RAB38: variants seen among roughly 807,000 people sequenced by gnomAD.
RAB38 encodes the protein ras-related protein Rab-38.
A neutral mutation model predicts 18.4 loss-of-function variants in RAB38; 15 were observed. The ratio of observed to expected loss-of-function variants is 0.82; its 90% CI spans 0.55 to 1.26. The LOEUF is 1.26. Ranked by LOEUF, RAB38 falls within the 50% of genes most tolerant of loss-of-function variation. The probability of loss-of-function intolerance (pLI) is 0.00; values close to 1 mark genes in which losing one functional copy is unlikely to be tolerated. For synonymous variants in RAB38, 101 were observed against 104.4 expected (o/e 0.97, Z 0.20); for missense variants, 294 against 267.4 (o/e 1.10, Z -0.69).
At chr11:87,894,050 T>C in the RAB38 span, among the ~76,000 whole-genome samples, 1 of 151,732 alleles carries the variant, frequency 6.6e-6, no homozygotes, top group Non-Finnish European at 1.5e-5. Context: ...TCCATAAACA[T>C]GGAATGTTTT....
At chr11:87,858,040 A>G in the RAB38 span, among the ~76,000 whole-genome samples, 1 of 152,076 alleles carries the variant, frequency 6.6e-6, no homozygotes. Context: ...TATTTTTTGT[A>G]TACGGTGTAA....
chr11:88,153,522 T>C (rs1943088518), intron 1 of RAB38, among the ~76,000 whole-genome samples: 1 of 152,128 alleles, frequency 6.6e-6, no homozygotes, highest in African/African-American at 2.4e-5. Context: ...CAGCCCCTCA[T>C]TGCTCCTCAC....
intron 1 of RAB38, among the ~76,000 whole-genome samples, chr11:88,164,263 G>GGGGGGGGGGGGGGGGGGGGA: frequency 7.6e-6 from 1 of 131,684 alleles, no homozygotes; most frequent in Non-Finnish European, 1.7e-5. Context: ...TCTCGGTGGG[G>GGGGGGGGGGGGGGGGGGGGA]GGGGGTGCCA....
At chr11:88,071,876 T>C in the RAB38 span, among the ~76,000 whole-genome samples, 1 of 152,182 alleles carries the variant, frequency 6.6e-6, no homozygotes, top group African/African-American at 2.4e-5. Flanking sequence ...CTCTGGTGTA[T>C]TGAGACTAAT....
At chr11:87,976,603 A>ATAAATATTT in the RAB38 span, among the ~76,000 whole-genome samples, 1 of 40,060 alleles carries the variant, frequency 2.5e-5, no homozygotes. Flanking sequence ...CTGTCTATAA[A>ATAAATATTT]TACATATTTT....
At chr11:87,968,713 T>C in the RAB38 span, among the ~76,000 whole-genome samples, 2 of 152,188 alleles carry the variant, frequency 1.3e-5, no homozygotes, top group Non-Finnish European at 2.9e-5. Context: ...AGTTATGTTA[T>C]TGACTTACAT....
intron 2 of RAB38, among the ~76,000 whole-genome samples, chr11:88,146,104 C>G (rs1942981692): frequency 6.6e-6 from 1 of 152,138 alleles, no homozygotes; most frequent in Non-Finnish European, 1.5e-5. Context: ...CACTTGCCAG[C>G]CAGGGGCTAC....
chr11:87,806,449 C>T, the RAB38 span, among the ~76,000 whole-genome samples: 2 of 152,134 alleles, frequency 1.3e-5, no homozygotes, highest in African/African-American at 4.8e-5. Flanking sequence ...GGCAGAGTTC[C>T]TGTGACCTAA....
chr11:88,175,092 T>C, intron 1 of RAB38, 91 bp downstream of exon 1: 1 of 1,380,264 alleles, frequency 7.2e-7, no homozygotes, highest in Non-Finnish European at 9.6e-7. Context: ...CTAGTGATTT[T>C]AATCTCACGC....
the RAB38 span, among the ~76,000 whole-genome samples, chr11:87,868,236 T>C: frequency 3.3e-5 from 5 of 151,610 alleles, no homozygotes; most frequent in African/African-American, 1.2e-4. Context: ...TCTCATTCTA[T>C]TGGTTCCCAC....
At chr11:88,136,455 A>T (rs892494947) in intron 2 of RAB38, among the ~76,000 whole-genome samples, 1 of 152,178 alleles carries the variant, frequency 6.6e-6, no homozygotes, top group Admixed American at 6.5e-5. Context: ...AGTAACAGAG[A>T]AGGAGAGGGC....
At chr11:88,034,529 T>C in the RAB38 span, among the ~76,000 whole-genome samples, 2 of 152,242 alleles carry the variant, frequency 1.3e-5, no homozygotes, top group Admixed American at 6.5e-5. Context: ...CATAAACAAA[T>C]TTTATCCATT....
the RAB38 span, among the ~76,000 whole-genome samples, chr11:87,898,975 A>G: frequency 2.6e-5 from 4 of 151,764 alleles, no homozygotes; most frequent in East Asian, 3.9e-4. Context: ...TCTTAATGCA[A>G]ATACTCTCAG....
the RAB38 span, among the ~76,000 whole-genome samples, chr11:88,069,207 G>A: frequency 5.9e-5 from 9 of 152,210 alleles, no homozygotes; most frequent in Admixed American, 5.9e-4. Context: ...AGGAGGTGCG[G>A]AGGGGGTGCC....
At chr11:87,888,931 GTTCA>G in the RAB38 span, among the ~76,000 whole-genome samples, 3 of 151,926 alleles carry the variant, frequency 2.0e-5, no homozygotes, top group Non-Finnish European at 4.4e-5. Flanking sequence ...TCTGCAAGTG[GTTCA>G]TTGTGATGCT....
the RAB38 span, among the ~76,000 whole-genome samples, chr11:87,913,558 C>T: frequency 6.6e-6 from 1 of 152,036 alleles, no homozygotes; most frequent in African/African-American, 2.4e-5. Flanking sequence ...TTGAATATGA[C>T]TTGTCTCCAC....
chr11:87,922,348 C>T, the RAB38 span, among the ~76,000 whole-genome samples: 1 of 151,948 alleles, frequency 6.6e-6, no homozygotes, highest in Non-Finnish European at 1.5e-5. Flanking sequence ...TTAAAAAATA[C>T]AAGCTACTGG....
rs773802522 is a variant in RAB38, at chr11:88,175,362, T to C, written c.23A>G (p.His8Arg). ...GCCAATCACCAGCAACTTGTACAGG[T>C]GCTCCTTGTGCGGGGCCTGCATCCT... The part of the protein sequence containing the change: MQAPHKE[H>R]LYKLLVIGDL... The change falls in exon 1 of 3, where the codon CAC (histidine) becomes CGC (arginine). Residue 8 changes from histidine (H) to arginine (R), a missense_variant. By Grantham distance (29) the His-to-Arg change is conservative. Coordinates refer to ENST00000243662, the MANE Select transcript of RAB38 (RefSeq NM_022337.3). 2 of 1,614,164 alleles carry C rather than the reference T, an allele frequency of 1.2e-6. No individual in the cohort carries two copies.
chr11:87,810,155 T>G, the RAB38 span, among the ~76,000 whole-genome samples: 1 of 152,176 alleles, frequency 6.6e-6, no homozygotes, highest in East Asian at 1.9e-4. Flanking sequence ...TTACTTTTTC[T>G]TTTTTTACTT....
Sources: gnomAD v4.1 joint callset for allele counts (sites outside exome capture counted in the v4.1 genomes callset) on GRCh38, gnomAD v4.1.1 for gene constraint, MANE v1.5 for transcripts, NCBI Gene and HGNC (gene_info 2026-07-23, HGNC 2026-07-21) for gene names.